GUCY1A1: variants seen among roughly 807,000 people sequenced by gnomAD.
GUCY1A1 encodes the protein guanylate cyclase 1 soluble subunit alpha 1.
A neutral mutation model predicts 64.5 loss-of-function variants in GUCY1A1; 48 were observed. That is an observed-to-expected ratio of 0.74 (90% confidence interval 0.59 to 0.95). The LOEUF (loss-of-function observed/expected upper bound fraction) is 0.95, where lower values mean the gene tolerates loss of function less well. Among genes scored for constraint, GUCY1A1 ranks in the 40% least tolerant of loss-of-function variants. The pLI is 0.00. For missense variants in GUCY1A1, 804 were observed against 825.3 expected, an observed-to-expected ratio of 0.97 and a Z score of 0.32; for synonymous variants, 308 against 303.4, an observed-to-expected ratio of 1.02 and a Z score of -0.16.
At chr4:155,674,352 TAAAAA>T (rs33934660) in intron 2 of GUCY1A1, among the ~76,000 whole-genome samples, 4 of 143,360 alleles carry the variant, frequency 2.8e-5, no homozygotes, top group African/African-American at 1.1e-4. Flanking sequence ...AGACTCCATC[TAAAAA>T]AAAAAAAGAA....
At chr4:155,684,246 C>T (rs919201427) in intron 2 of GUCY1A1, among the ~76,000 whole-genome samples, 1 of 152,148 alleles carries the variant, frequency 6.6e-6, no homozygotes, top group Non-Finnish European at 1.5e-5. Flanking sequence ...AAAGACTCAG[C>T]CTTTCTCAAT....
At chr4:155,727,823 C>T (rs1191204792) in intron 9 of GUCY1A1, among the ~76,000 whole-genome samples, 1 of 151,548 alleles carries the variant, frequency 6.6e-6, no homozygotes, top group Admixed American at 6.6e-5. Context: ...TAAATAGAAA[C>T]TCTTACATGG....
At chr4:155,668,924 A>G (rs1733748798) in intron 2 of GUCY1A1, among the ~76,000 whole-genome samples, 1 of 152,188 alleles carries the variant, frequency 6.6e-6, no homozygotes, top group Admixed American at 6.5e-5. Flanking sequence ...AATTGTATTT[A>G]AACATTAGAG....
chr4:155,730,140 A>G lies in GUCY1A1; in HGVS notation c.1982A>G (p.Gln661Arg). Residue 661 changes from glutamine to arginine, a missense_variant, in exon 10 of 10, where the codon CAA becomes CGA. Gln to Arg is a conservative substitution (Grantham distance 43). Transcript: ENST00000506455. ...ATCTGCCATTTTCTGGATGCTTACC[A>G]ACAAGGAACAAACTCAAAACCATGC... ...PGICHFLDAY[Q>R]QGTNSKPCFQ... 6.2e-7 allele frequency: 1 copy of G among 1,611,952 alleles called. No homozygotes were observed. Among genetic ancestry groups the G allele is most frequent in the Non-Finnish European group, 8.5e-7 (1 of 1,178,456 alleles).
At position 155,711,206 on chromosome 4, in the gene GUCY1A1, T is replaced by C; in HGVS notation, c.1041T>C (p.Val347=). Reference sequence around the variant, plus strand: ...TGACTATGTTGAATATGCAGTTTGTTGTACGAGTGAGGAGATGGGACAACT... The same window carrying C: ...TGACTATGTTGAATATGCAGTTTGTCGTACGAGTGAGGAGATGGGACAACT... The part of the protein sequence containing the change: ...GIMTMLNMQF[V]VRVRRWDNSV... Residue 347 remains valine (V), a synonymous_variant, in exon 6 of 10, where the codon GTT becomes GTC. Coordinates refer to ENST00000506455, the MANE Select transcript of GUCY1A1 (RefSeq NM_001130682.3). The C allele has an allele frequency of 6.2e-7, 1 of 1,612,024 alleles. No individual in the cohort carries two copies. Among genetic ancestry groups the C allele is most frequent in the Non-Finnish European group, 8.5e-7 (1 of 1,178,146 alleles).
intron 2 of GUCY1A1, among the ~76,000 whole-genome samples, chr4:155,681,616 C>T (rs12503180): frequency 0.079 from 11,945 of 152,144 alleles, 675 homozygotes; most frequent in South Asian, 0.22. Flanking sequence ...CACTTCTTTT[C>T]GAACACGTGT....
rs1300593090 is a variant in GUCY1A1 at position 155,736,268 on chromosome 4, C to G, written c.*6037C>G. The G allele has an allele frequency of 6.6e-6, 1 of 151,866 alleles. No individual in the cohort carries two copies. The highest frequency in any genetic ancestry group is 2.1e-4 in the South Asian group (1 of 4,822). 9.4% of individuals were successfully genotyped at this position (151,866 alleles called of 1,614,324 possible). A position where few individuals can be genotyped will look rare whatever the true frequency, so the allele number is the denominator to read the frequency against. On this transcript the variant is annotated 3_prime_UTR_variant, in exon 10 of 10. Transcript: ENST00000506455. Reference sequence around the variant, plus strand: ...AAATTCTAGTATTTTCTTCACCTACCCCAGTGAATCATCTTTATATTTTAC... The same window carrying G: ...AAATTCTAGTATTTTCTTCACCTACGCCAGTGAATCATCTTTATATTTTAC...
intron 8 of GUCY1A1, 83 bp from the exon 9 acceptor site, chr4:155,721,955 A>G (rs1734008476): frequency 7.2e-6 from 7 of 973,050 alleles, no homozygotes; most frequent in Non-Finnish European, 9.7e-6. Context: ...TGGTAAAATA[A>G]TTTAGACGGT....
chr4:155,704,724 A>T (rs1024435032), intron 4 of GUCY1A1, among the ~76,000 whole-genome samples: 3 of 148,044 alleles, frequency 2.0e-5, no homozygotes, highest in Admixed American at 1.4e-4. Context: ...TTTATTTTTT[A>T]TTTTTTTTTT....
chr4:155,701,020 T>C (rs1392556095), intron 3 of GUCY1A1, among the ~76,000 whole-genome samples: 1 of 152,182 alleles, frequency 6.6e-6, no homozygotes, highest in Non-Finnish European at 1.5e-5. Flanking sequence ...TCACTTATAG[T>C]TGAATCCTGC....
intron 2 of GUCY1A1, among the ~76,000 whole-genome samples, chr4:155,692,098 A>C (rs559647852): frequency 6.6e-6 from 1 of 152,270 alleles, no homozygotes; most frequent in Admixed American, 6.5e-5. Context: ...CTCCAGCTCC[A>C]TCCATCTTCC....
intron 2 of GUCY1A1, among the ~76,000 whole-genome samples, chr4:155,692,877 G>A (rs56737805): frequency 0.03 from 4,601 of 152,058 alleles, 234 homozygotes; most frequent in African/African-American, 0.1. Flanking sequence ...TGGCCAGCAT[G>A]GCGAAACCCC....
rs576288369 is a variant in GUCY1A1, at chr4:155,731,716, T to A, written c.*1485T>A. On this transcript the variant is annotated 3_prime_UTR_variant, in exon 10 of 10. Transcript: ENST00000506455. ...TAGCAGAGCCATAGATAGGCTGAGC[T>A]CTTATTTGGGGTTCTGAGAAATAAC... 3.3e-5 allele frequency: 5 copies of A among 151,952 alleles called. No individual in the cohort carries two copies. The highest frequency in any genetic ancestry group is 1.2e-4 in the African/African-American group (5 of 41,536). The allele number at this position is 151,952 out of a possible 1,614,324, so 9.4% of individuals were successfully genotyped here. A position where few individuals can be genotyped will look rare whatever the true frequency, so the allele number is the denominator to read the frequency against.
intron 2 of GUCY1A1, among the ~76,000 whole-genome samples, chr4:155,687,227 A>T (rs1729114767): frequency 6.6e-6 from 1 of 152,184 alleles, no homozygotes; most frequent in South Asian, 2.1e-4. Context: ...CCAAAAAAAA[A>T]TTTTAGGGTT....
chr4:155,683,050 G>A (rs1736028582), intron 2 of GUCY1A1, among the ~76,000 whole-genome samples: 1 of 152,094 alleles, frequency 6.6e-6, no homozygotes, highest in African/African-American at 2.4e-5. Context: ...TTCTGATAAG[G>A]CAGTCAAGTA....
intron 2 of GUCY1A1, among the ~76,000 whole-genome samples, chr4:155,695,544 T>C (rs1730302983): frequency 6.6e-6 from 1 of 152,188 alleles, no homozygotes; most frequent in Non-Finnish European, 1.5e-5. Flanking sequence ...ACTGCTCTAA[T>C]TTAGTAATAT....
At chr4:155,716,016 G>A (rs1471187983) in intron 7 of GUCY1A1, among the ~76,000 whole-genome samples, 1 of 152,094 alleles carries the variant, frequency 6.6e-6, no homozygotes, top group African/African-American at 2.4e-5. Flanking sequence ...AGCAGGGACT[G>A]AAGGAAAGGA....
rs1299975142 is a variant in GUCY1A1 at position 155,734,396 on chromosome 4, G to T, written c.*4165G>T. Reference sequence around the variant, plus strand: ...CAGAATGGGTTAACGAATTACTGCAGTGGTTTTAGGTGCATGGGTTTGACC... The same window carrying T: ...CAGAATGGGTTAACGAATTACTGCATTGGTTTTAGGTGCATGGGTTTGACC... On this transcript the variant is annotated 3_prime_UTR_variant, in exon 10 of 10. Coordinates refer to ENST00000506455, the MANE Select transcript of GUCY1A1 (RefSeq NM_001130682.3). 1 of 151,972 alleles carries T rather than the reference G, an allele frequency of 6.6e-6. No individual in the cohort carries two copies. The highest frequency in any genetic ancestry group is 2.4e-5 in the African/African-American group (1 of 41,408). The allele number at this position is 151,972 out of a possible 1,614,324, so 9.4% of individuals were successfully genotyped here. A position where few individuals can be genotyped will look rare whatever the true frequency, so the allele number is the denominator to read the frequency against.
At chr4:155,686,034 TCC>T (rs904823909) in intron 2 of GUCY1A1, among the ~76,000 whole-genome samples, 10 of 152,302 alleles carry the variant, frequency 6.6e-5, no homozygotes, top group African/African-American at 2.4e-4. Flanking sequence ...TTGTCAGGAA[TCC>T]CTGTGTCTCT....
Sources: gnomAD v4.1 joint callset for allele counts (sites outside exome capture counted in the v4.1 genomes callset) on GRCh38, gnomAD v4.1.1 for gene constraint, MANE v1.5 for transcripts, NCBI Gene and HGNC (gene_info 2026-07-23, HGNC 2026-07-21) for gene names.